DCDC2C: variants seen among roughly 807,000 people sequenced by gnomAD.
DCDC2C encodes doublecortin domain-containing protein 2C.
In DCDC2C, 44 loss-of-function variants were observed where a neutral mutation model predicts 45.0. That is an observed-to-expected ratio of 0.98 (90% CI 0.77 to 1.26). The LOEUF (loss-of-function observed/expected upper bound fraction) is 1.26. Ranked by LOEUF, DCDC2C falls within the 50% of genes most tolerant of loss-of-function variation. The pLI is 0.00. For synonymous variants in DCDC2C, 187 were observed against 178.8 expected, an observed-to-expected ratio of 1.05 and a Z score of -0.37; for missense variants, 447 against 468.9, an observed-to-expected ratio of 0.95 and a Z score of 0.43.
In DCDC2C at chr2:3,805,290, G is replaced by GA. The variant is rs771462853; in HGVS notation, c.1065+20193dup. 4.6e-4 allele frequency among the ~76,000 whole-genome samples: 70 copies of GA among 152,362 alleles called. 1 individual carries two copies. The East Asian group carries it at 0.012, about 27-fold the overall frequency. On this transcript the variant is annotated intron_variant, in intron 10 of 10. Transcript: ENST00000399143. ...CAGCAGCTCCCGGCTGGCACTCGGGGAAACCTGCCAGGTTGATGAGTCCGA... is the reference window on the plus strand; with the variant it reads ...CAGCAGCTCCCGGCTGGCACTCGGGGAAAACCTGCCAGGTTGATGAGTCCGA...
At position 3,703,907 on chromosome 2, in the gene DCDC2C, G is replaced by A. The variant is rs1332461015; in HGVS notation, c.156G>A (p.Glu52=). ...AGGCGCTGCTGGAGCAGCTCACGGA[G>A]CAGGTGGACGTCCCGTTCGGCGTGC... is the stretch of plus-strand genomic sequence containing the variant. ...TFEALLEQLT[E]QVDVPFGVRR... Residue 52 remains glutamate, a synonymous_variant, in exon 1 of 11, where the codon GAG becomes GAA. Coordinates refer to ENST00000399143, the MANE Select transcript of DCDC2C (RefSeq NM_001287444.2). This position sits in a 1 kb window ranked among gnomAD's most constrained non-coding sequence, Gnocchi z 4.4. The A allele has an allele frequency of 5.2e-6, 7 of 1,343,206 alleles. No individual in the cohort carries two copies. Among genetic ancestry groups the A allele is most frequent in the Non-Finnish European group, 6.7e-6 (7 of 1,043,070 alleles). 83.2% of individuals were successfully genotyped at this position (1,343,206 alleles called of 1,614,324 possible).
chr2:3,843,016 G>A (rs776385729), intron 10 of DCDC2C, among the ~76,000 whole-genome samples: 10 of 152,168 alleles, frequency 6.6e-5, no homozygotes, highest in Non-Finnish European at 1.3e-4. Flanking sequence ...CCATGCCCTC[G>A]TCTGTCAATG....
intron 10 of DCDC2C, among the ~76,000 whole-genome samples, chr2:3,789,192 A>G (rs11676551): frequency 0.72 from 109,311 of 151,850 alleles, 39,783 homozygotes; most frequent in East Asian, 0.91. Context: ...GGTTTTGTCT[A>G]CCTTTGAAAC....
chr2:3,759,944 G>A (rs1346491674), intron 6 of DCDC2C, among the ~76,000 whole-genome samples: 1 of 152,224 alleles, frequency 6.6e-6, no homozygotes, highest in Non-Finnish European at 1.5e-5. Flanking sequence ...AGGCAAAGCT[G>A]TAGTGTTTTA....
intron 3 of DCDC2C, among the ~76,000 whole-genome samples, chr2:3,737,440 C>T (rs357959): frequency 0.46 from 70,227 of 151,034 alleles, 16,772 homozygotes; most frequent in East Asian, 0.72. Context: ...TTGAAGATAG[C>T]GTGGCAATGG....
At chr2:3,729,262 C>T (rs1349398990) in intron 3 of DCDC2C, among the ~76,000 whole-genome samples, 1 of 152,162 alleles carries the variant, frequency 6.6e-6, no homozygotes, top group Non-Finnish European at 1.5e-5. Flanking sequence ...AAGAGAAGAG[C>T]CCACCCCAGG....
intron 7 of DCDC2C, 44 bp from the exon 8 acceptor site, chr2:3,769,267 T>C (rs1356566813): frequency 6.5e-7 from 1 of 1,526,734 alleles, no homozygotes; most frequent in African/African-American, 1.4e-5. Flanking sequence ...GGACTCCAGC[T>C]TCTCCATGGG....
chr2:3,819,091 C>T (rs1671625659), intron 10 of DCDC2C, among the ~76,000 whole-genome samples: 1 of 152,088 alleles, frequency 6.6e-6, no homozygotes, highest in African/African-American at 2.4e-5. Context: ...ATGGACTTAC[C>T]CTCCACTCTA....
intron 7 of DCDC2C, among the ~76,000 whole-genome samples, chr2:3,768,245 G>A (rs1670067165): frequency 6.6e-6 from 1 of 151,856 alleles, no homozygotes; most frequent in Non-Finnish European, 1.5e-5. Context: ...GATTGTTTAG[G>A]TGTATTTTTT....
At chr2:3,747,078 G>C (rs1170159553) in intron 4 of DCDC2C, among the ~76,000 whole-genome samples, 1 of 152,180 alleles carries the variant, frequency 6.6e-6, no homozygotes. Context: ...GATGGCCCTG[G>C]TGGCTACATG....
At chr2:3,740,054 TA>T (rs1335358489) in intron 3 of DCDC2C, among the ~76,000 whole-genome samples, 1 of 152,222 alleles carries the variant, frequency 6.6e-6, no homozygotes, top group African/African-American at 2.4e-5. Flanking sequence ...CTATTAACCC[TA>T]AGGCACCTTC....
intron 6 of DCDC2C, among the ~76,000 whole-genome samples, chr2:3,758,834 A>G (rs937863153): frequency 5.3e-5 from 8 of 152,196 alleles, no homozygotes; most frequent in Non-Finnish European, 1.2e-4. Flanking sequence ...GTTGTTGAGC[A>G]TTTTGGTTCA....
At chr2:3,833,968 A>T (rs558859164) in intron 10 of DCDC2C, among the ~76,000 whole-genome samples, 3 of 152,294 alleles carry the variant, frequency 2.0e-5, no homozygotes, top group African/African-American at 7.2e-5. Flanking sequence ...AGAATGTTTG[A>T]AAGAGTCTGA....
intron 10 of DCDC2C, among the ~76,000 whole-genome samples, chr2:3,816,424 A>C (rs1341769131): frequency 3.9e-5 from 6 of 152,200 alleles, no homozygotes; most frequent in African/African-American, 1.4e-4. Flanking sequence ...TCTTTATTTA[A>C]AAATATACAG....
At chr2:3,807,801 C>T (rs1671290265) in intron 10 of DCDC2C, among the ~76,000 whole-genome samples, 1 of 152,130 alleles carries the variant, frequency 6.6e-6, no homozygotes, top group Non-Finnish European at 1.5e-5. Context: ...TTACCCTTTT[C>T]AGAGTGTCAT....
chr2:3,843,112 T>G (rs555615143), intron 10 of DCDC2C, among the ~76,000 whole-genome samples: 110 of 152,296 alleles, frequency 7.2e-4, no homozygotes, highest in Middle Eastern at 6.8e-3. Flanking sequence ...GTGGCTGTGA[T>G]AGCAGGGGGA....
At chr2:3,769,264 A>C in intron 7 of DCDC2C, 47 bp from the exon 8 acceptor site, 1 of 1,522,364 alleles carries the variant, frequency 6.6e-7, no homozygotes, top group Non-Finnish European at 8.9e-7. Flanking sequence ...AGTGGACTCC[A>C]GCTTCTCCAT....
At chr2:3,748,791 A>T (rs762473748) in intron 4 of DCDC2C, among the ~76,000 whole-genome samples, 1 of 152,124 alleles carries the variant, frequency 6.6e-6, no homozygotes, top group Non-Finnish European at 1.5e-5. Flanking sequence ...TGGACTTGTC[A>T]TCTCTCCTCT....
chr2:3,717,040 G>A (rs1282113886), intron 2 of DCDC2C, among the ~76,000 whole-genome samples: 1 of 152,136 alleles, frequency 6.6e-6, no homozygotes, highest in African/African-American at 2.4e-5. Context: ...CTTCTCTTCT[G>A]AAGCTCTTCT....
Sources: gnomAD v4.1 joint callset for allele counts (sites outside exome capture counted in the v4.1 genomes callset) on GRCh38, gnomAD v4.1.1 for gene constraint, Gnocchi (gnomAD v3.1) non-coding constraint, MANE v1.5 for transcripts, NCBI Gene and HGNC (gene_info 2026-07-23, HGNC 2026-07-21) for gene names.